The following HEMK2 variants were observed in gnomAD, a reference collection of about 807,000 sequenced individuals.
The protein encoded by HEMK2 is methyltransferase HEMK2.
the HEMK2 span, among the ~76,000 whole-genome samples, chr21:28,624,729 A>C: frequency 1.2e-4 from 19 of 152,322 alleles, no homozygotes; most frequent in African/African-American, 4.3e-4. Context: ...AACCAGGCAC[A>C]GAGAGGACTA....
chr21:28,781,429 T>C, the HEMK2 span, among the ~76,000 whole-genome samples: 1 of 151,918 alleles, frequency 6.6e-6, no homozygotes, highest in African/African-American at 2.4e-5. Flanking sequence ...TCCCAATGCA[T>C]GTTCCTGTGT....
chr21:28,757,751 G>T, the HEMK2 span, among the ~76,000 whole-genome samples: 280 of 152,018 alleles, frequency 1.8e-3, 1 homozygote, highest in African/African-American at 6.3e-3. Context: ...GTACTGACTA[G>T]GATAAGCGTA....
At chr21:28,697,778 C>CAAAAAAAAAAAAAA in the HEMK2 span, among the ~76,000 whole-genome samples, 6 of 79,554 alleles carry the variant, frequency 7.5e-5, no homozygotes, top group African/African-American at 1.2e-4. Context: ...ATCATGAGCC[C>CAAAAAAAAAAAAAA]AAAAAAAAAA....
At chr21:28,741,367 C>T in the HEMK2 span, among the ~76,000 whole-genome samples, 23 of 152,220 alleles carry the variant, frequency 1.5e-4, no homozygotes, top group Non-Finnish European at 7.4e-5. Flanking sequence ...GCATTCAAAC[C>T]TACTACAGAA....
the HEMK2 span, among the ~76,000 whole-genome samples, chr21:28,756,104 T>C: frequency 2.6e-5 from 4 of 152,228 alleles, no homozygotes; most frequent in Non-Finnish European, 5.9e-5. Flanking sequence ...AGGCCAGTTC[T>C]GGCATTTGGT....
chr21:28,576,984 T>C, the HEMK2 span, among the ~76,000 whole-genome samples: 154 of 152,348 alleles, frequency 1.0e-3, no homozygotes, highest in African/African-American at 3.6e-3. Flanking sequence ...GTGCTGGGAT[T>C]ACAGGCGTGA....
At chr21:28,811,406 AAGGAAGG>A in the HEMK2 span, among the ~76,000 whole-genome samples, 6 of 62,674 alleles carry the variant, frequency 9.6e-5, no homozygotes, top group African/African-American at 3.2e-4. Context: ...ACAGAGAAGG[AAGGAAGG>A]AAGGAAGGAA....
chr21:28,798,127 C>T, the HEMK2 span, among the ~76,000 whole-genome samples: 18 of 152,194 alleles, frequency 1.2e-4, no homozygotes, highest in African/African-American at 4.1e-4. Context: ...CTTCGTTCAT[C>T]AAGCAGCAAC....
the HEMK2 span, among the ~76,000 whole-genome samples, chr21:28,631,971 A>G: frequency 6.6e-6 from 1 of 152,188 alleles, no homozygotes; most frequent in Non-Finnish European, 1.5e-5. Context: ...AACAAACACA[A>G]CAGTATCCAG....
At chr21:28,743,678 A>C in the HEMK2 span, among the ~76,000 whole-genome samples, 1 of 152,204 alleles carries the variant, frequency 6.6e-6, no homozygotes, top group East Asian at 1.9e-4. Flanking sequence ...TTGTTTAATT[A>C]AGGAATTCAT....
chr21:28,654,233 G>A, the HEMK2 span, among the ~76,000 whole-genome samples: 1 of 152,126 alleles, frequency 6.6e-6, no homozygotes. Context: ...GTTATGGATC[G>A]TGGGCCATAT....
At chr21:28,637,268 T>C in the HEMK2 span, among the ~76,000 whole-genome samples, 3 of 152,220 alleles carry the variant, frequency 2.0e-5, no homozygotes, top group South Asian at 4.1e-4. Flanking sequence ...TTCTGAGATA[T>C]GTTAATTTTT....
chr21:28,647,667 C>T, the HEMK2 span, among the ~76,000 whole-genome samples: 5 of 152,126 alleles, frequency 3.3e-5, no homozygotes, highest in Non-Finnish European at 7.3e-5. Flanking sequence ...AAGAATTCCC[C>T]AGGGGCGAGG....
the HEMK2 span, among the ~76,000 whole-genome samples, chr21:28,863,413 TATATATATA>T: frequency 0.015 from 355 of 24,136 alleles, 56 homozygotes; most frequent in East Asian, 0.027. Context: ...CTCCCTTTTA[TATATATATA>T]TATATATATA....
the HEMK2 span, among the ~76,000 whole-genome samples, chr21:28,760,811 A>C: frequency 6.6e-6 from 1 of 152,162 alleles, no homozygotes; most frequent in Non-Finnish European, 1.5e-5. Context: ...TGTTTTGACA[A>C]AGCCAACATT....
chr21:28,645,478 C>G, the HEMK2 span, among the ~76,000 whole-genome samples: 2 of 151,938 alleles, frequency 1.3e-5, no homozygotes, highest in African/African-American at 2.4e-5. Context: ...AAAATTGACA[C>G]AAATTCCAAA....
chr21:28,834,351 A>G, the HEMK2 span, among the ~76,000 whole-genome samples: 1 of 152,200 alleles, frequency 6.6e-6, no homozygotes, highest in African/African-American at 2.4e-5. Context: ...TTGGAAGCAG[A>G]AAATGGAGAC....
At chr21:28,732,440 AG>A in the HEMK2 span, among the ~76,000 whole-genome samples, 1 of 152,246 alleles carries the variant, frequency 6.6e-6, no homozygotes, top group Non-Finnish European at 1.5e-5. Flanking sequence ...GCTGGCATCA[AG>A]GGATGTCCCA....
At chr21:28,757,951 A>C in the HEMK2 span, among the ~76,000 whole-genome samples, 182 of 152,310 alleles carry the variant, frequency 1.2e-3, 1 homozygote, top group African/African-American at 4.1e-3. Flanking sequence ...AAACTGAGTA[A>C]AGATCTCAAT....
Sources: gnomAD v4.1 joint callset for allele counts (sites outside exome capture counted in the v4.1 genomes callset) on GRCh38, gnomAD v4.1.1 for gene constraint, MANE v1.5 for transcripts, NCBI Gene and HGNC (gene_info 2026-07-23, HGNC 2026-07-21) for gene names.